Variants in ANKFN1 observed in about 807,000 individuals in gnomAD.
The protein encoded by ANKFN1 is ankyrin repeat and fibronectin type-III domain-containing protein 1.
A neutral mutation model predicts 108.7 loss-of-function variants in ANKFN1; 74 were observed. That is an observed-to-expected ratio of 0.68 (90% CI 0.56 to 0.83). The LOEUF is 0.83. Ranked by LOEUF, ANKFN1 falls within the 40% of genes least tolerant of loss-of-function variation. ANKFN1 has a pLI of 0.00. For synonymous variants in ANKFN1, 547 were observed against 516.2 expected (o/e 1.06, Z -0.81); for missense variants, 1,505 against 1,382.3 (o/e 1.09, Z -1.41).
chr17:56,050,962 G>T (rs1323937113), intron 4 of ANKFN1, among the ~76,000 whole-genome samples: 1 of 136,220 alleles, frequency 7.3e-6, no homozygotes, highest in Non-Finnish European at 1.6e-5. Context: ...GGACCAGATG[G>T]ATTCACAGCC....
At chr17:56,075,864 C>T (rs1332575068) in intron 4 of ANKFN1, among the ~76,000 whole-genome samples, 4 of 152,078 alleles carry the variant, frequency 2.6e-5, no homozygotes, top group East Asian at 1.9e-4. Flanking sequence ...CAAGCACTGA[C>T]GGCAGACATA....
intron 3 of ANKFN1, among the ~76,000 whole-genome samples, chr17:56,273,149 A>G (rs1233969809): frequency 2.0e-5 from 3 of 152,160 alleles, no homozygotes; most frequent in African/African-American, 7.2e-5. Flanking sequence ...CTTTTTTTAT[A>G]TTTATACATA....
At chr17:56,237,233 G>A (rs945139164) in intron 3 of ANKFN1, among the ~76,000 whole-genome samples, 2 of 152,082 alleles carry the variant, frequency 1.3e-5, no homozygotes, top group African/African-American at 4.8e-5. Context: ...TTGTTGTTGT[G>A]TCTCTACCAA....
intron 3 of ANKFN1, among the ~76,000 whole-genome samples, chr17:56,306,835 A>G (rs1254715586): frequency 6.6e-6 from 1 of 152,212 alleles, no homozygotes; most frequent in East Asian, 1.9e-4. Context: ...CTATACTACA[A>G]GGCTACAGTA....
chr17:56,250,777 C>T (rs1173983317), intron 3 of ANKFN1, among the ~76,000 whole-genome samples: 2 of 152,076 alleles, frequency 1.3e-5, no homozygotes, highest in African/African-American at 4.8e-5. Flanking sequence ...CATTGATTAT[C>T]ATCTGAAGCT....
chr17:56,438,700 T>C (rs1273528588), intron 8 of ANKFN1, among the ~76,000 whole-genome samples: 6 of 151,958 alleles, frequency 3.9e-5, no homozygotes, highest in African/African-American at 1.5e-4. Flanking sequence ...GCTGGGACAG[T>C]AGGAGCATGC....
Position 56,063,709 on chromosome 17 carries a change from G to T in ANKFN1, c.288+17384G>T, listed in dbSNP as rs560652924. Among the ~76,000 whole-genome samples, 21 of 151,954 alleles carry T rather than the reference G, an allele frequency of 1.4e-4. 1 individual carries two copies. The highest frequency in any genetic ancestry group is 5.1e-4 in the African/African-American group (21 of 41,466). Reference sequence around the variant, plus strand: ...GGTTAGAACATGCTCCTTTAGCTCAGCATGGTTTTGTATTACTCATCTTCT... The same window carrying T: ...GGTTAGAACATGCTCCTTTAGCTCATCATGGTTTTGTATTACTCATCTTCT... On this transcript the variant is annotated intron_variant, in intron 4 of 12. Coordinates refer to the ANKFN1 transcript ENST00000635860.
chr17:56,467,791 G>GAAAGAAAGAAGAAAGAAAGA (rs11414270), intron 15 of ANKFN1, among the ~76,000 whole-genome samples: 15 of 54,992 alleles, frequency 2.7e-4, no homozygotes, highest in Non-Finnish European at 1.2e-4. Context: ...AAGAAAGAAA[G>GAAAGAAAGAAGAAAGAAAGA]AAGAAAGAAA....
chr17:56,384,875 G>A (rs1269971379), intron 8 of ANKFN1, among the ~76,000 whole-genome samples: 18 of 151,712 alleles, frequency 1.2e-4, no homozygotes, highest in Middle Eastern at 3.4e-3. Context: ...AATCAATATT[G>A]TGAAAATGGC....
At position 56,086,996 on chromosome 17, in the gene ANKFN1, GT is replaced by G. The variant is rs1340009320; in HGVS notation, c.288+40676del. On this transcript the variant is annotated intron_variant, in intron 4 of 12. Transcript: ENST00000635860. ...ATTAACAGTATTTATCTGGCAGAAA[GT>G]TTTTGAAGATCATCGATGATATGTC... Among the ~76,000 whole-genome samples, 2 of 151,298 alleles carry G rather than the reference GT, an allele frequency of 1.3e-5. 1 individual carries two copies. The highest frequency in any genetic ancestry group is 3.0e-5 in the Non-Finnish European group (2 of 67,744).
At chr17:56,150,909 T>C (rs1435084194), upstream of ANKFN1, among the ~76,000 whole-genome samples, 1 of 152,028 alleles carries the variant, frequency 6.6e-6, no homozygotes, top group Non-Finnish European at 1.5e-5. Context: ...AAGTAATTAG[T>C]TGATTATTTG....
In ANKFN1 at chr17:56,515,903, T is replaced by C. The variant is rs1195411292; in HGVS notation, c.*4634T>C. Among the ~76,000 whole-genome samples the C allele has an allele frequency of 6.6e-6, 1 of 152,244 alleles. No homozygotes were observed. Among genetic ancestry groups the C allele is most frequent in the Non-Finnish European group, 1.5e-5 (1 of 68,036 alleles). On this transcript the variant is annotated 3_prime_UTR_variant, in exon 21 of 21. Transcript: ENST00000682825. ...TTGGATAGGTGGGCTGTGAAAAATA[T>C]TCTATTGTGATAAAGGAAGTAGATT...
At chr17:56,440,521 C>T (rs1415510325) in intron 9 of ANKFN1, 97 bp downstream of exon 9, 1 of 922,898 alleles carries the variant, frequency 1.1e-6, no homozygotes, top group Non-Finnish European at 1.7e-6. Flanking sequence ...AGCCAACGCC[C>T]AGTCCTCTGG....
intron 3 of ANKFN1, among the ~76,000 whole-genome samples, chr17:56,263,487 G>A (rs1467557716): frequency 1.3e-5 from 2 of 152,208 alleles, no homozygotes; most frequent in African/African-American, 2.4e-5. Flanking sequence ...TGCATAAGCA[G>A]TTCTTTCAGA....
chr17:56,150,853 T>A (rs555978657), upstream of ANKFN1, among the ~76,000 whole-genome samples: 275 of 84,736 alleles, frequency 3.2e-3, no homozygotes, highest in African/African-American at 0.013. Context: ...TTGCTGTCAC[T>A]TGAGTCAATA....
At chr17:56,066,919 G>C (rs1905065289) in intron 4 of ANKFN1, among the ~76,000 whole-genome samples, 1 of 152,170 alleles carries the variant, frequency 6.6e-6, no homozygotes, top group Non-Finnish European at 1.5e-5. Flanking sequence ...GGCCAGGTGT[G>C]GTGGCTCACA....
intron 3 of ANKFN1, among the ~76,000 whole-genome samples, chr17:56,260,703 T>C (rs962931660): frequency 1.4e-4 from 22 of 152,114 alleles, no homozygotes; most frequent in African/African-American, 5.3e-4. Flanking sequence ...TTTGAAACAA[T>C]TGATGAATCC....
In ANKFN1 at chr17:56,485,649, T is replaced by A. The variant is rs187160087; in HGVS notation, c.2260+3125T>A. 1.2e-4 allele frequency among the ~76,000 whole-genome samples: 18 copies of A among 152,320 alleles called. No individual in the cohort carries two copies. In the East Asian group the frequency reaches 3.3e-3, roughly 28 times the overall value. ...CATCCCCCTAAAAAATAAAAAATTT[T>A]AAAAATAATTTTTTTAAAGCTCAAC... On this transcript the variant is annotated intron_variant, in intron 18 of 20. Coordinates refer to ENST00000682825, the MANE Select transcript of ANKFN1 (RefSeq NM_001370326.1).
intron 8 of ANKFN1, among the ~76,000 whole-genome samples, chr17:56,425,675 C>T (rs142852157): frequency 5.9e-4 from 90 of 152,178 alleles, no homozygotes; most frequent in African/African-American, 2.1e-3. Context: ...GCCTGGAATG[C>T]CTTTAGCCAC....
Sources: allele counts gnomAD v4.1 joint callset (sites outside exome capture counted in the v4.1 genomes callset), GRCh38; gene constraint gnomAD v4.1.1; transcripts MANE v1.5; gene names NCBI Gene and HGNC (gene_info 2026-07-23, HGNC 2026-07-21).